Variants in FHIT observed in about 807,000 individuals in gnomAD.
FHIT encodes fragile histidine triad diadenosine triphosphatase.
In FHIT, 19 loss-of-function variants were observed where a neutral mutation model predicts 17.9. That is an observed-to-expected ratio of 1.06 (90% confidence interval 0.74 to 1.56). FHIT has a LOEUF of 1.56. Among genes scored for constraint, FHIT ranks in the 40% most tolerant of loss-of-function variants. The pLI, the probability that FHIT is intolerant of heterozygous loss-of-function variation, is 0.00. For synonymous variants in FHIT, 81 were observed against 69.7 expected, an observed-to-expected ratio of 1.16 and a Z score of -0.81; for missense variants, 248 against 189.2, an observed-to-expected ratio of 1.31 and a Z score of -1.82.
At chr3:60,080,015 T>C (rs919652438) in intron 5 of FHIT, among the ~76,000 whole-genome samples, 4 of 152,172 alleles carry the variant, frequency 2.6e-5, no homozygotes, top group Admixed American at 1.3e-4. Flanking sequence ...ATGTAGAATG[T>C]TGAAAACTCA....
At chr3:61,205,431 C>A (rs2039191857) in intron 1 of FHIT, among the ~76,000 whole-genome samples, 2 of 152,146 alleles carry the variant, frequency 1.3e-5, no homozygotes, top group Admixed American at 1.3e-4. Context: ...AGTTTACAGT[C>A]CCACCAACAG....
intron 4 of FHIT, among the ~76,000 whole-genome samples, chr3:60,552,435 T>C (rs903609877): frequency 2.1e-4 from 32 of 152,202 alleles, no homozygotes; most frequent in African/African-American, 7.5e-4. Flanking sequence ...CATTTTACAT[T>C]ACCACCACCA....
chr3:60,863,705 A>C (rs1299072389), intron 3 of FHIT, among the ~76,000 whole-genome samples: 1 of 152,210 alleles, frequency 6.6e-6, no homozygotes, highest in Non-Finnish European at 1.5e-5. Context: ...AATAGGTATT[A>C]TCCTCTGTTT....
intron 5 of FHIT, among the ~76,000 whole-genome samples, chr3:60,473,704 A>C (rs1357154785): frequency 6.6e-6 from 1 of 152,212 alleles, no homozygotes; most frequent in African/African-American, 2.4e-5. Context: ...AGATTGCCTC[A>C]GCTCAGGAGT....
At chr3:60,436,611 C>G (rs892993984) in intron 5 of FHIT, among the ~76,000 whole-genome samples, 2 of 152,036 alleles carry the variant, frequency 1.3e-5, no homozygotes, top group Non-Finnish European at 2.9e-5. Context: ...CACCATTCTT[C>G]ATAAATCAAG....
intron 5 of FHIT, among the ~76,000 whole-genome samples, chr3:60,286,715 G>C (rs1039928703): frequency 3.3e-5 from 5 of 152,122 alleles, no homozygotes; most frequent in African/African-American, 9.6e-5. Flanking sequence ...TATTTAAATT[G>C]TTTTTGTATC....
At chr3:59,946,372 G>C (rs529331655) in intron 7 of FHIT, among the ~76,000 whole-genome samples, 3 of 152,282 alleles carry the variant, frequency 2.0e-5, no homozygotes, top group Admixed American at 6.5e-5. Context: ...CATTGATTTT[G>C]TATGCTGAAA....
At chr3:60,116,965 TA>T (rs369523155) in intron 5 of FHIT, among the ~76,000 whole-genome samples, 4,645 of 152,208 alleles carry the variant, frequency 0.031, 85 homozygotes, top group Non-Finnish European at 0.041. Context: ...CACCATGGGT[TA>T]AAAAAATGAT....
At chr3:60,163,389 C>G (rs1701023161) in intron 5 of FHIT, among the ~76,000 whole-genome samples, 1 of 152,084 alleles carries the variant, frequency 6.6e-6, no homozygotes, top group Admixed American at 6.5e-5. Flanking sequence ...CCTGCATGAC[C>G]CCCTGGGACA....
chr3:60,235,070 C>A (rs1704699076), intron 5 of FHIT, among the ~76,000 whole-genome samples: 1 of 151,998 alleles, frequency 6.6e-6, no homozygotes, highest in Non-Finnish European at 1.5e-5. Context: ...GAGAGAGATT[C>A]AAAAATCACA....
chr3:60,440,735 A>G (rs994384653), intron 5 of FHIT, among the ~76,000 whole-genome samples: 3 of 152,086 alleles, frequency 2.0e-5, no homozygotes, highest in African/African-American at 7.2e-5. Flanking sequence ...TTTCTGCAAT[A>G]TTCAGTGGGG....
chr3:61,190,251 C>T (rs1016563677), intron 2 of FHIT, among the ~76,000 whole-genome samples: 1 of 151,988 alleles, frequency 6.6e-6, no homozygotes, highest in Non-Finnish European at 1.5e-5. Context: ...AAAAACAACC[C>T]CATCAACAAG....
chr3:60,741,218 T>C (rs1410986159), intron 4 of FHIT, among the ~76,000 whole-genome samples: 1 of 152,206 alleles, frequency 6.6e-6, no homozygotes, highest in Non-Finnish European at 1.5e-5. Context: ...AGCCAGCTCC[T>C]CAAAATAGCT....
At chr3:60,862,120 A>G (rs1703939708) in intron 3 of FHIT, among the ~76,000 whole-genome samples, 1 of 152,194 alleles carries the variant, frequency 6.6e-6, no homozygotes, top group South Asian at 2.1e-4. Context: ...TAAAACAGAT[A>G]TAATCCCTGC....
chr3:60,712,955 T>A (rs568845426), intron 4 of FHIT, among the ~76,000 whole-genome samples: 1,976 of 150,292 alleles, frequency 0.013, 17 homozygotes, highest in Non-Finnish European at 0.021. Context: ...ACTCTCCAAC[T>A]CAAATCAACA....
At chr3:60,719,251 T>A (rs1177926908) in intron 4 of FHIT, among the ~76,000 whole-genome samples, 1 of 152,218 alleles carries the variant, frequency 6.6e-6, no homozygotes, top group Non-Finnish European at 1.5e-5. Flanking sequence ...TTACAAAGTT[T>A]GGAGGCCTGC....
chr3:60,223,428 C>A (rs145806902), intron 5 of FHIT, among the ~76,000 whole-genome samples: 1 of 152,152 alleles, frequency 6.6e-6, no homozygotes, highest in Non-Finnish European at 1.5e-5. Context: ...AACACGTAAG[C>A]GATCCATGCT....
chr3:59,834,156 G>A (rs1183286235), intron 8 of FHIT, among the ~76,000 whole-genome samples: 1 of 152,116 alleles, frequency 6.6e-6, no homozygotes, highest in Non-Finnish European at 1.5e-5. Flanking sequence ...CATGCACATT[G>A]GCTGAAAGAT....
chr3:60,822,245 G>A (rs540958542), intron 3 of FHIT, among the ~76,000 whole-genome samples: 2 of 152,144 alleles, frequency 1.3e-5, no homozygotes, highest in Non-Finnish European at 2.9e-5. Context: ...ACAAGAAAAG[G>A]GGCAGAACCA....
Sources: gnomAD v4.1 joint callset for allele counts (sites outside exome capture counted in the v4.1 genomes callset) on GRCh38, gnomAD v4.1.1 for gene constraint, MANE v1.5 for transcripts, NCBI Gene and HGNC (gene_info 2026-07-23, HGNC 2026-07-21) for gene names.